EPHA6: variants seen among roughly 807,000 people sequenced by gnomAD.
The protein encoded by EPHA6 is EPH receptor A6.
EPHA6 carries 50 observed loss-of-function variants against 112.0 expected under a neutral mutation model. That is an observed-to-expected ratio of 0.45 (90% CI 0.36 to 0.56). EPHA6 has a LOEUF of 0.56. Ranked by LOEUF, EPHA6 falls within the 20% of genes least tolerant of loss-of-function variation. EPHA6 has a pLI of 0.00. For synonymous variants in EPHA6, 529 were observed against 490.7 expected (o/e 1.08, Z -1.03); for missense variants, 1,280 against 1,417.4 (o/e 0.90, Z 1.56).
At chr3:97,143,133 A>G (rs1164746310) in intron 3 of EPHA6, among the ~76,000 whole-genome samples, 1 of 151,678 alleles carries the variant, frequency 6.6e-6, no homozygotes, top group Non-Finnish European at 1.5e-5. Flanking sequence ...CAAGCTGAGA[A>G]CCAAATCAAT....
chr3:96,822,284 A>G (rs2033320135), intron 1 of EPHA6, among the ~76,000 whole-genome samples: 1 of 151,958 alleles, frequency 6.6e-6, no homozygotes, highest in Non-Finnish European at 1.5e-5. Flanking sequence ...TGGGTTAGTT[A>G]TTAAAAACTA....
chr3:97,174,141 T>C (rs1376316083), intron 3 of EPHA6, among the ~76,000 whole-genome samples: 2 of 151,668 alleles, frequency 1.3e-5, no homozygotes, highest in Non-Finnish European at 3.0e-5. Flanking sequence ...GAACATGTGA[T>C]GTTTGTCTTT....
At chr3:96,984,826 C>T (rs796405363) in intron 2 of EPHA6, among the ~76,000 whole-genome samples, 14 of 152,214 alleles carry the variant, frequency 9.2e-5, no homozygotes, top group African/African-American at 2.9e-4. Flanking sequence ...AGCAAGGCTC[C>T]GTGGGCATGG....
chr3:97,448,505 G>A, intron 6 of EPHA6, 63 bp from the exon 7 acceptor site: 1 of 1,542,688 alleles, frequency 6.5e-7, no homozygotes, highest in Non-Finnish European at 8.9e-7. Context: ...ACTTTGGAAT[G>A]TTTCTAGGAA....
chr3:96,842,744 AT>A (rs140206464), intron 1 of EPHA6, among the ~76,000 whole-genome samples: 1,577 of 152,080 alleles, frequency 0.01, 26 homozygotes, highest in African/African-American at 0.036. Flanking sequence ...TACTCTATTC[AT>A]TTTCCATATA....
At chr3:97,726,457 T>C (rs2034773156) in intron 15 of EPHA6, among the ~76,000 whole-genome samples, 1 of 152,130 alleles carries the variant, frequency 6.6e-6, no homozygotes, top group Non-Finnish European at 1.5e-5. Context: ...TTCTGCAGGA[T>C]TTTTGTCTTG....
intron 3 of EPHA6, among the ~76,000 whole-genome samples, chr3:97,033,892 T>C (rs1011790988): frequency 3.3e-5 from 5 of 151,968 alleles, no homozygotes; most frequent in Non-Finnish European, 7.4e-5. Context: ...TAGAAAAGGA[T>C]ACATCAGGCC....
intron 11 of EPHA6, among the ~76,000 whole-genome samples, chr3:97,572,296 G>T (rs1204261329): frequency 1.3e-5 from 2 of 151,646 alleles, no homozygotes; most frequent in Admixed American, 6.6e-5. Context: ...GACTACAGGC[G>T]CCCGCCACCA....
At chr3:97,618,928 CCTGATA>C (rs2093789296) in intron 13 of EPHA6, among the ~76,000 whole-genome samples, 1 of 152,086 alleles carries the variant, frequency 6.6e-6, no homozygotes, top group Admixed American at 6.6e-5. Flanking sequence ...CCAGCATCTT[CCTGATA>C]CCAAAACCTG....
intron 11 of EPHA6, among the ~76,000 whole-genome samples, chr3:97,576,454 G>A (rs185643447): frequency 9.3e-4 from 141 of 152,230 alleles, no homozygotes; most frequent in Non-Finnish European, 3.2e-4. Context: ...AAAGCTGGGA[G>A]AATATTTTCT....
At chr3:97,433,429 C>A (rs1191748541) in intron 6 of EPHA6, among the ~76,000 whole-genome samples, 1 of 152,044 alleles carries the variant, frequency 6.6e-6, no homozygotes, top group Non-Finnish European at 1.5e-5. Context: ...TCATTTACAG[C>A]ACAGTCAATA....
chr3:96,971,644 C>T (rs1022583787), intron 2 of EPHA6, among the ~76,000 whole-genome samples: 1 of 152,068 alleles, frequency 6.6e-6, no homozygotes, highest in Non-Finnish European at 1.5e-5. Flanking sequence ...CTTTAACAAG[C>T]TTTACTTTGA....
Position 97,542,120 on chromosome 3 carries a change from T to G in EPHA6, c.2386+9577T>G, listed in dbSNP as rs139263691. On this transcript the variant is annotated intron_variant, in intron 11 of 17. Transcript: ENST00000389672. ...TTTTTTTTTTTTTATACTTTACGTTTTAGGGTACATGTGCACAATGTGCAC... is the reference window on the plus strand; with the variant it reads ...TTTTTTTTTTTTTATACTTTACGTTGTAGGGTACATGTGCACAATGTGCAC... Among the ~76,000 whole-genome samples the G allele has an allele frequency of 2.0e-3, 305 of 152,040 alleles. 2 individuals carry two copies. The highest frequency in any genetic ancestry group is 7.0e-3 in the African/African-American group (290 of 41,482).
At chr3:97,306,295 T>G (rs1454513533) in intron 5 of EPHA6, among the ~76,000 whole-genome samples, 1 of 106,572 alleles carries the variant, frequency 9.4e-6, no homozygotes, top group East Asian at 2.8e-4. Flanking sequence ...AGGGCCCTCT[T>G]TTTTTTTTTT....
intron 14 of EPHA6, among the ~76,000 whole-genome samples, chr3:97,644,728 A>T (rs2094042324): frequency 6.6e-6 from 1 of 150,814 alleles, no homozygotes. Flanking sequence ...CTCTCCCAAG[A>T]CTAAACCAGG....
At chr3:96,870,345 C>G (rs1463030281) in intron 2 of EPHA6, among the ~76,000 whole-genome samples, 2 of 152,026 alleles carry the variant, frequency 1.3e-5, no homozygotes, top group African/African-American at 4.8e-5. Context: ...GCTCTGATTT[C>G]TAAAGGCGGG....
chr3:96,942,013 A>T (rs1184886951), intron 2 of EPHA6, among the ~76,000 whole-genome samples: 1 of 152,174 alleles, frequency 6.6e-6, no homozygotes, highest in East Asian at 1.9e-4. Flanking sequence ...GTGAGGTGTC[A>T]GTCTGCCCCT....
At chr3:97,221,349 A>T (rs2078193465) in intron 3 of EPHA6, among the ~76,000 whole-genome samples, 1 of 148,114 alleles carries the variant, frequency 6.8e-6, no homozygotes, top group Non-Finnish European at 1.5e-5. Flanking sequence ...GAAAGTAACG[A>T]TGGTCTATTC....
rs946014375 is a variant in EPHA6, at chr3:97,749,252, A to G, written c.*551A>G. On this transcript the variant is annotated 3_prime_UTR_variant, in exon 18 of 18. Transcript: ENST00000389672. ...ATTATTTGCAGAAATGACCAGTGAT[A>G]TCATGTAATGAATTTTTGTGAGGTA... is the stretch of plus-strand genomic sequence containing the variant. The G allele has an allele frequency of 1.8e-4, 39 of 216,912 alleles. No homozygotes were observed. Among genetic ancestry groups the G allele is most frequent in the African/African-American group, 7.9e-4 (35 of 44,498 alleles). 13.4% of individuals were successfully genotyped at this position (216,912 alleles called of 1,614,324 possible).
Sources: gnomAD v4.1 joint callset for allele counts (sites outside exome capture counted in the v4.1 genomes callset) on GRCh38, gnomAD v4.1.1 for gene constraint, MANE v1.5 for transcripts, NCBI Gene and HGNC (gene_info 2026-07-23, HGNC 2026-07-21) for gene names.